The following LRRIQ4 variants were observed in gnomAD, a reference collection of about 807,000 sequenced individuals.
The protein encoded by LRRIQ4 is leucine-rich repeat and IQ domain-containing protein 4.
In LRRIQ4, 21 loss-of-function variants were observed where a neutral mutation model predicts 40.1. The observed-to-expected ratio is 0.52, with a 90% CI of 0.37 to 0.75. The LOEUF is 0.75. Among genes scored for constraint, LRRIQ4 ranks in the 30% least tolerant of loss-of-function variants. The pLI, the probability that LRRIQ4 is intolerant of heterozygous loss-of-function variation, is 0.00. For synonymous variants in LRRIQ4, 277 were observed against 277.1 expected (o/e 1.00, Z 0.00); for missense variants, 655 against 660.0 (o/e 0.99, Z 0.08).
chr3:169,827,740 G>T (rs1052335630), intron 2 of LRRIQ4, among the ~76,000 whole-genome samples: 18 of 152,104 alleles, frequency 1.2e-4, no homozygotes, highest in Non-Finnish European at 2.1e-4. Context: ...ATGATTAGAA[G>T]TAGCCATAGA....
At position 169,837,544 on chromosome 3, in the gene LRRIQ4, A is replaced by G; in HGVS notation, c.1596A>G (p.Lys532=). Residue 532 remains lysine, a synonymous_variant, in exon 6 of 6, where the codon AAA becomes AAG. Coordinates refer to ENST00000340806, the MANE Select transcript of LRRIQ4 (RefSeq NM_001080460.3). ...RGFGKFGELL[K]PQKKGKTSPK... ...TTGGGAAATTCGGTGAACTACTAAA[A>G]CCACAAAAGAAAGGAAAGACCTCTC... 1 of 1,607,896 alleles carries G rather than the reference A, an allele frequency of 6.2e-7. No individual in the cohort carries two copies. Among genetic ancestry groups the G allele is most frequent in the Non-Finnish European group, 8.5e-7 (1 of 1,177,288 alleles).
intron 4 of LRRIQ4, among the ~76,000 whole-genome samples, chr3:169,831,130 T>G (rs2108182845): frequency 6.6e-6 from 1 of 152,158 alleles, no homozygotes; most frequent in African/African-American, 2.4e-5. Context: ...CACTAAGCCA[T>G]TCTTTGTCTG....
intron 1 of LRRIQ4, among the ~76,000 whole-genome samples, chr3:169,817,739 GTATAGCTAC>G (rs1409980762): frequency 6.6e-6 from 1 of 151,958 alleles, no homozygotes; most frequent in Non-Finnish European, 1.5e-5. Context: ...TCTGATATAT[GTATAGCTAC>G]TCCTGCTCTT....
chr3:169,834,631 T>C (rs931527135), intron 5 of LRRIQ4, among the ~76,000 whole-genome samples: 10 of 152,230 alleles, frequency 6.6e-5, no homozygotes, highest in African/African-American at 2.4e-4. Flanking sequence ...AATATCATTA[T>C]GATTTGTCAA....
intron 1 of LRRIQ4, among the ~76,000 whole-genome samples, chr3:169,815,299 G>A (rs1305354340): frequency 3.9e-5 from 6 of 151,986 alleles, no homozygotes; most frequent in African/African-American, 1.4e-4. Context: ...TTGTGTGTGT[G>A]TCCTCTTTAA....
At chr3:169,834,956 G>A (rs1019104247) in intron 5 of LRRIQ4, among the ~76,000 whole-genome samples, 1 of 152,086 alleles carries the variant, frequency 6.6e-6, no homozygotes, top group South Asian at 2.1e-4. Context: ...TTTTAGAACA[G>A]TGTACCAAAA....
intron 5 of LRRIQ4, 103 bp from the exon 6 acceptor site, chr3:169,837,375 TC>T: frequency 1.5e-6 from 1 of 678,960 alleles, no homozygotes; most frequent in African/African-American, 2.7e-5. Flanking sequence ...CACATCCCAT[TC>T]TCTCCACGTC....
chr3:169,824,290 G>T (rs573345674), intron 2 of LRRIQ4, among the ~76,000 whole-genome samples: 3 of 152,154 alleles, frequency 2.0e-5, no homozygotes, highest in African/African-American at 7.2e-5. Context: ...GCCAAGGAGG[G>T]AGGATCACTA....
chr3:169,823,244 G>A (rs1272984158), intron 2 of LRRIQ4, among the ~76,000 whole-genome samples: 1 of 152,086 alleles, frequency 6.6e-6, no homozygotes, highest in East Asian at 1.9e-4. Flanking sequence ...GGAAGTGAGG[G>A]GCAGGGAGCT....
In LRRIQ4 at chr3:169,822,856, A is replaced by G. The variant is rs1779945145; in HGVS notation, c.935A>G (p.Gln312Arg). The G allele has an allele frequency of 6.2e-7, 1 of 1,612,154 alleles. No homozygotes were observed. Among genetic ancestry groups the G allele is most frequent in the Non-Finnish European group, 8.5e-7 (1 of 1,179,000 alleles). The change falls in exon 2 of 6, where the codon CAG becomes CGG. Residue 312 changes from glutamine to arginine, a missense_variant. Gln to Arg is a conservative substitution (Grantham distance 43). Transcript: ENST00000340806. ...AACTTGCGCTTCCTGGACCTAAGCC[A>G]GAACCATCTGCACCACTGCCCGCTG... ...LVNLRFLDLS[Q>R]NHLHHCPLQI...
At chr3:169,836,900 G>A in intron 5 of LRRIQ4, among the ~76,000 whole-genome samples, 1 of 152,196 alleles carries the variant, frequency 6.6e-6, no homozygotes, top group African/African-American at 2.4e-5. Context: ...GATTGGGGAG[G>A]CAGATCAGAG....
intron 2 of LRRIQ4, among the ~76,000 whole-genome samples, chr3:169,826,174 C>G (rs1184444130): frequency 6.6e-6 from 1 of 152,076 alleles, no homozygotes; most frequent in Non-Finnish European, 1.5e-5. Context: ...AGTGGATCAA[C>G]TGAGGTCAGG....
chr3:169,820,359 T>C (rs956501757), intron 1 of LRRIQ4, among the ~76,000 whole-genome samples: 8 of 151,924 alleles, frequency 5.3e-5, no homozygotes, highest in African/African-American at 1.9e-4. Flanking sequence ...ATAAGCCTAG[T>C]AGTGTAAGTC....
At chr3:169,817,271 T>G (rs192047232) in intron 1 of LRRIQ4, among the ~76,000 whole-genome samples, 3 of 152,370 alleles carry the variant, frequency 2.0e-5, no homozygotes, top group African/African-American at 7.2e-5. Context: ...TGCTTTCTAG[T>G]TTTATTCCAT....
intron 1 of LRRIQ4, among the ~76,000 whole-genome samples, chr3:169,818,377 GT>G (rs1445591293): frequency 2.0e-5 from 3 of 152,148 alleles, no homozygotes. Context: ...GATTTCTTGT[GT>G]GAATAGTTGT....
intron 5 of LRRIQ4, among the ~76,000 whole-genome samples, chr3:169,835,733 G>GCTGTTTTCA (rs1208928588): frequency 6.6e-6 from 1 of 152,110 alleles, no homozygotes; most frequent in African/African-American, 2.4e-5. Flanking sequence ...CGATTGGTCT[G>GCTGTTTTCA]CTGTTTTCAC....
chr3:169,814,425 G>A (rs942521110), intron 1 of LRRIQ4, among the ~76,000 whole-genome samples: 1 of 152,138 alleles, frequency 6.6e-6, no homozygotes, highest in African/African-American at 2.4e-5. Flanking sequence ...TCCTCCGCCG[G>A]TGTGTTCCTC....
chr3:169,832,586 C>T (rs1780204386), intron 4 of LRRIQ4, among the ~76,000 whole-genome samples: 2 of 136,294 alleles, frequency 1.5e-5, no homozygotes, highest in African/African-American at 5.5e-5. Flanking sequence ...GAGCTCAGAT[C>T]ATGCCACTGT....
At chr3:169,819,047 G>A (rs1434567455) in intron 1 of LRRIQ4, among the ~76,000 whole-genome samples, 1 of 152,086 alleles carries the variant, frequency 6.6e-6, no homozygotes, top group African/African-American at 2.4e-5. Flanking sequence ...CCAAATCTTG[G>A]CTCCTTCAAA....
Sources: gnomAD v4.1 joint callset for allele counts (sites outside exome capture counted in the v4.1 genomes callset) on GRCh38, gnomAD v4.1.1 for gene constraint, MANE v1.5 for transcripts, NCBI Gene and HGNC (gene_info 2026-07-23, HGNC 2026-07-21) for gene names.